KRT12: variants seen among roughly 807,000 people sequenced by gnomAD.
KRT12 encodes the protein keratin, type I cytoskeletal 12.
In KRT12, 43 loss-of-function variants were observed where a neutral mutation model predicts 50.2. The observed-to-expected ratio is 0.86, with a 90% CI of 0.67 to 1.11. The LOEUF is 1.11. Among genes scored for constraint, KRT12 ranks in the 50% least tolerant of loss-of-function variants. The pLI, the probability that KRT12 is intolerant of heterozygous loss-of-function variation, is 0.00. For missense variants in KRT12, 588 were observed against 625.6 expected, an observed-to-expected ratio of 0.94 and a Z score of 0.64; for synonymous variants, 257 against 253.6, an observed-to-expected ratio of 1.01 and a Z score of -0.13.
In KRT12 at chr17:40,863,275, C is replaced by G. The variant is rs1361963075; in HGVS notation, c.1164G>C (p.Gln388His). Residue 388 changes from glutamine (Q) to histidine (H), a missense_variant, in exon 6 of 8, where the codon CAG becomes CAC. Coordinates refer to ENST00000251643, the MANE Select transcript of KRT12 (RefSeq NM_000223.4). The surrounding 1 kb of genome is among the most constrained non-coding windows in gnomAD (Gnocchi z 4.2). ...GTGCCTCCAGGTTGCTGATGAGCTG[C>G]TGCACCTGGGACAGCTGCGCGCAGT... ...GDYCAQLSQV[Q>H]QLISNLEAQL... 1 of 1,614,020 alleles carries G rather than the reference C, an allele frequency of 6.2e-7. No individual in the cohort carries two copies. The highest frequency in any genetic ancestry group is 8.5e-7 in the Non-Finnish European group (1 of 1,180,006).
Position 40,863,085 on chromosome 17 carries a change from G to A in KRT12, c.1316+38C>T. On this transcript the variant is annotated intron_variant, in intron 6 of 7. Transcript: ENST00000251643. This position sits in a 1 kb window ranked among gnomAD's most constrained non-coding sequence, Gnocchi z 4.2. ...TATTTCTGCTGCCCACTCTTGGTCA[G>A]CCCCTGAAGGTGTTTACAGCCTCCG... 1 of 1,566,838 alleles carries A rather than the reference G, an allele frequency of 6.4e-7. No individual in the cohort carries two copies. The highest frequency in any genetic ancestry group is 8.8e-7 in the Non-Finnish European group (1 of 1,137,062).
rs376748271 is a variant in KRT12 at position 40,866,667 on chromosome 17, T to C, written c.520A>G (p.Ser174Gly). Residue 174 changes from serine to glycine, a missense_variant, in exon 1 of 8, where the codon AGC becomes GGC. By Grantham distance (56) the Ser-to-Gly change is moderately conservative. Transcript: ENST00000251643. ...RGTGTADASQ[S>G]DYSKYYPLIE... ...AGTGGATAATATTTGCTGTAATCGC[T>C]CTGTGAAGCATCTGCAGTCCCAGTT... is the stretch of plus-strand genomic sequence containing the variant. 3 of 1,614,116 alleles carry C rather than the reference T, an allele frequency of 1.9e-6. No homozygotes were observed. The African/African-American group carries it at 4.0e-5, about 22-fold the overall frequency.
Position 40,863,756 on chromosome 17 carries a change from C to T in KRT12, c.916G>A (p.Glu306Lys), listed in dbSNP as rs370559580. The T allele has an allele frequency of 1.5e-5, 24 of 1,613,330 alleles. No individual in the cohort carries two copies. The African/African-American group carries it at 2.9e-4, about 20-fold the overall frequency. Residue 306 changes from glutamate to lysine, a missense_variant, in exon 4 of 8, where the codon GAA becomes AAA. Glu to Lys is a moderately conservative substitution (Grantham distance 56). Coordinates refer to ENST00000251643, the MANE Select transcript of KRT12 (RefSeq NM_000223.4). The surrounding 1 kb of genome is among the most constrained non-coding windows in gnomAD (Gnocchi z 4.2). ...RLLNDMRAQYETIAEQNRKDA... is the reference protein window; with the variant it reads ...RLLNDMRAQYKTIAEQNRKDA... Reference sequence around the variant, plus strand: ...TTCCGATTCTGCTCAGCGATGGTTTCATACTGCGCCCGCATATCATTGAGG... The same window carrying T: ...TTCCGATTCTGCTCAGCGATGGTTTTATACTGCGCCCGCATATCATTGAGG...
intron 3 of KRT12, among the ~76,000 whole-genome samples, 192 bp downstream of exon 3, chr17:40,864,614 C>A (rs1000676401): frequency 1.3e-5 from 2 of 152,054 alleles, no homozygotes; most frequent in African/African-American, 4.8e-5. Context: ...ATCACTACTA[C>A]CAACACACAC....
rs138169839 is a variant in KRT12, at chr17:40,866,967, C to G, written c.220G>C (p.Gly74Arg). The change falls in exon 1 of 8, where the codon GGA becomes CGA. Residue 74 changes from glycine (G) to arginine (R), a missense_variant. Transcript: ENST00000251643. ...GSSSGFGGGS[G>R]SSMAGGLGAG... is the part of the protein sequence containing the mutation. ...CCCAGTCCTCCTGCCATGGAACTTCCGGAGCCACCCCCAAAGCCGGAACTA... is the reference window on the plus strand; with the variant it reads ...CCCAGTCCTCCTGCCATGGAACTTCGGGAGCCACCCCCAAAGCCGGAACTA... The G allele has an allele frequency of 6.3e-7, 1 of 1,599,090 alleles. No individual in the cohort carries two copies. The highest frequency in any genetic ancestry group is 1.1e-5 in the South Asian group (1 of 88,810).
chr17:40,863,944 G>T lies in KRT12; in HGVS notation c.808-80C>A. On this transcript the variant is annotated intron_variant, in intron 3 of 7. Transcript: ENST00000251643. The surrounding 1 kb of genome is among the most constrained non-coding windows in gnomAD (Gnocchi z 4.2). ...GCCCTGGATACTTTTGTCCTCTTGG[G>T]CCCCTTCCTACACACACACACACAC... 1 of 592,920 alleles carries T rather than the reference G, an allele frequency of 1.7e-6. No individual in the cohort carries two copies. The highest frequency in any genetic ancestry group is 2.5e-6 in the Non-Finnish European group (1 of 404,090). 36.7% of individuals were successfully genotyped at this position (592,920 alleles called of 1,614,324 possible). A position where few individuals can be genotyped will look rare whatever the true frequency, so the allele number is the denominator to read the frequency against.
At chr17:40,864,385 T>C (rs1188704143) in intron 3 of KRT12, among the ~76,000 whole-genome samples, 1 of 152,182 alleles carries the variant, frequency 6.6e-6, no homozygotes, top group Non-Finnish European at 1.5e-5. Flanking sequence ...CCATGGCACC[T>C]CAGAGTTTTC....
At position 40,861,594 on chromosome 17, in the gene KRT12, G is replaced by C; in HGVS notation, c.*67C>G. 1 of 987,810 alleles carries C rather than the reference G, an allele frequency of 1.0e-6. No homozygotes were observed. The highest frequency in any genetic ancestry group is 1.3e-5 in the South Asian group (1 of 77,838). 61.2% of individuals were successfully genotyped at this position (987,810 alleles called of 1,614,324 possible). A position where few individuals can be genotyped will look rare whatever the true frequency, so the allele number is the denominator to read the frequency against. On this transcript the variant is annotated 3_prime_UTR_variant, in exon 8 of 8. Coordinates refer to ENST00000251643, the MANE Select transcript of KRT12 (RefSeq NM_000223.4). The stretch of plus-strand genomic sequence containing the variant: ...AGTAATACAGCATGTTACTCTGAAA[G>C]GAATAATTTCTACTTGTAAATTTCT...
rs1050930468 is a variant in KRT12, at chr17:40,861,402, G to C, written c.*259C>G. 1 of 496,088 alleles carries C rather than the reference G, an allele frequency of 2.0e-6. No individual in the cohort carries two copies. Among genetic ancestry groups the C allele is most frequent in the Non-Finnish European group, 3.6e-6 (1 of 277,826 alleles). 30.7% of individuals were successfully genotyped at this position (496,088 alleles called of 1,614,324 possible). Reference sequence around the variant, plus strand: ...ATTCCGGGTTACCAGAAGAAAGTTCGTTAAAAGACTACTCCAGGTCCAGAA... The same window carrying C: ...ATTCCGGGTTACCAGAAGAAAGTTCCTTAAAAGACTACTCCAGGTCCAGAA... On this transcript the variant is annotated 3_prime_UTR_variant, in exon 8 of 8. Coordinates refer to ENST00000251643, the MANE Select transcript of KRT12 (RefSeq NM_000223.4).
In KRT12 at chr17:40,866,618, A is replaced by G. The variant is rs117742825; in HGVS notation, c.567+2T>C. 2.5e-5 allele frequency: 41 copies of G among 1,613,282 alleles called. No homozygotes were observed. Among genetic ancestry groups the G allele is most frequent in the Non-Finnish European group, 3.5e-5 (41 of 1,179,302 alleles). On this transcript the variant is annotated splice_donor_variant, in intron 1 of 7. Coordinates refer to ENST00000251643, the MANE Select transcript of KRT12 (RefSeq NM_000223.4). LOFTEE classifies it high-confidence loss of function. ...CCAAAGCGCCTCCAAAAGAGATCTT[A>G]CCTTATTCCTGAGGTCTTCAATCAG...
chr17:40,861,466 T>C lies in KRT12; in HGVS notation c.*195A>G, dbSNP rs1906800027. The C allele has an allele frequency of 6.6e-6, 4 of 606,248 alleles. No individual in the cohort carries two copies. Among genetic ancestry groups the C allele is most frequent in the South Asian group, 6.0e-5 (3 of 50,186 alleles). 37.6% of individuals were successfully genotyped at this position (606,248 alleles called of 1,614,324 possible). A position where few individuals can be genotyped will look rare whatever the true frequency, so the allele number is the denominator to read the frequency against. ...TTTTGATTTGTTACAAAGACCAACATGACCAAAATGACTTGTGACTGAATA... is the reference window on the plus strand; with the variant it reads ...TTTTGATTTGTTACAAAGACCAACACGACCAAAATGACTTGTGACTGAATA... On this transcript the variant is annotated 3_prime_UTR_variant, in exon 8 of 8. Transcript: ENST00000251643.
rs150377929 is a variant in KRT12 at position 40,866,885 on chromosome 17, A to G, written c.302T>C (p.Phe101Ser). 1.1e-5 allele frequency: 17 copies of G among 1,613,896 alleles called. No homozygotes were observed. The highest frequency in any genetic ancestry group is 1.4e-5 in the Non-Finnish European group (16 of 1,179,986). Reference sequence around the variant, plus strand: ...AGAGCCACCTCCTGGGCTGCCCCCAAATCCCATCCCCAGCCCTCCAAAGCT... The same window carrying G: ...AGAGCCACCTCCTGGGCTGCCCCCAGATCCCATCCCCAGCCCTCCAAAGCT... ...GGSFGGLGMGFGGSPGGGSLG... is the reference protein window; with the variant it reads ...GGSFGGLGMGSGGSPGGGSLG... Residue 101 changes from phenylalanine (F) to serine (S), a missense_variant, in exon 1 of 8, where the codon TTT (phenylalanine) becomes TCT (serine). Physicochemically the swap from Phe to Ser is radical, Grantham distance 155 (BLOSUM62 -2). Transcript: ENST00000251643.
rs1906843499 is a variant in KRT12, at chr17:40,862,579, G to A, written c.1373C>T (p.Thr458Ile). ...TTTCTGCATACCTTTAGAGGAATCA[G>A]TTGACTGTGCTTGTGATTTGGAGTC... ...VTDSKSQAQS[T>I]DSSKDPTKTR... Residue 458 changes from threonine to isoleucine, a missense_variant, in exon 7 of 8, where the codon ACT becomes ATT. Transcript: ENST00000251643. 1 of 1,612,320 alleles carries A rather than the reference G, an allele frequency of 6.2e-7. No homozygotes were observed.
In KRT12 at chr17:40,866,992, A is replaced by G. The variant is rs1287469934; in HGVS notation, c.195T>C (p.Ser65=). The G allele has an allele frequency of 1.3e-6, 2 of 1,597,738 alleles. No homozygotes were observed. Among genetic ancestry groups the G allele is most frequent in the South Asian group, 2.3e-5 (2 of 88,562 alleles). ...GGFSAASMFG[S]SSGFGGGSGS... Reference sequence around the variant, plus strand: ...CGGAGCCACCCCCAAAGCCGGAACTAGAACCAAACATGGAAGCAGCAGAAA... The same window carrying G: ...CGGAGCCACCCCCAAAGCCGGAACTGGAACCAAACATGGAAGCAGCAGAAA... Residue 65 remains serine, a synonymous_variant, in exon 1 of 8, where the codon TCT becomes TCC. Transcript: ENST00000251643.
chr17:40,865,346 G>C (rs1178670660), intron 2 of KRT12, among the ~76,000 whole-genome samples: 2 of 152,170 alleles, frequency 1.3e-5, no homozygotes, highest in African/African-American at 2.4e-5. Flanking sequence ...CGTTCTTCAT[G>C]ATTTAACTTA....
At position 40,866,717 on chromosome 17, in the gene KRT12, A is replaced by G. The variant is rs1485178503; in HGVS notation, c.470T>C (p.Ile157Thr). The change falls in exon 1 of 8, where the codon ATT (isoleucine) becomes ACT (threonine). Residue 157 changes from isoleucine to threonine, a missense_variant. By Grantham distance (89) the Ile-to-Thr change is moderately conservative (BLOSUM62 -1). Transcript: ENST00000251643. ...TCCTCGTGTTTCATACCATTCTCGA[A>G]TTTTATTTTCTAGCTCAGTATTAGC... ...EEANTELENK[I>T]REWYETRGTG... The G allele has an allele frequency of 6.2e-7, 1 of 1,614,148 alleles. No individual in the cohort carries two copies. Among genetic ancestry groups the G allele is most frequent in the South Asian group, 1.1e-5 (1 of 91,086 alleles).
chr17:40,865,032 G>T (rs1906968414), intron 2 of KRT12, 70 bp from the exon 3 acceptor site: 2 of 1,503,506 alleles, frequency 1.3e-6, no homozygotes, highest in African/African-American at 1.4e-5. Context: ...GATCTTCAGG[G>T]CTATTTCTTG....
Position 40,864,854 on chromosome 17 carries a change from G to A in KRT12, c.759C>T (p.Ile253=), listed in dbSNP as rs372320618. The A allele has an allele frequency of 1.4e-5, 22 of 1,614,040 alleles. No homozygotes were observed. The highest frequency in any genetic ancestry group is 1.3e-4 in the African/African-American group (10 of 74,906). The change falls in exon 3 of 8, where the codon ATC becomes ATT. Residue 253 remains isoleucine (I), a synonymous_variant. Transcript: ENST00000251643. ...TLTRTDLEMQ[I]ESLNEELAYM... is the part of the protein sequence containing the mutation. ...AGGCCAGCTCCTCGTTCAGGCTCTCGATCTGCATCTCCAGGTCGGTCCTGG... is the reference window on the plus strand; with the variant it reads ...AGGCCAGCTCCTCGTTCAGGCTCTCAATCTGCATCTCCAGGTCGGTCCTGG...
intron 6 of KRT12, 110 bp from the exon 7 acceptor site, chr17:40,862,745 A>G: frequency 1.2e-6 from 1 of 818,884 alleles, no homozygotes; most frequent in East Asian, 2.4e-5. Flanking sequence ...AGTTCTTCCA[A>G]CTAGTGCAGA....
Sources: gnomAD v4.1 joint callset for allele counts (sites outside exome capture counted in the v4.1 genomes callset) on GRCh38, gnomAD v4.1.1 for gene constraint, Gnocchi (gnomAD v3.1) non-coding constraint, MANE v1.5 for transcripts, NCBI Gene and HGNC (gene_info 2026-07-23, HGNC 2026-07-21) for gene names.